Variants in DDR2 observed in about 807,000 individuals in gnomAD.
DDR2 encodes discoidin domain-containing receptor 2.
A neutral mutation model predicts 94.9 loss-of-function variants in DDR2; 27 were observed. That is an observed-to-expected ratio of 0.28 (90% CI 0.21 to 0.39). The LOEUF (loss-of-function observed/expected upper bound fraction) is 0.39. Among genes scored for constraint, DDR2 ranks in the 10% least tolerant of loss-of-function variants. DDR2 has a pLI of 1.00. For synonymous variants in DDR2, 382 were observed against 377.2 expected (o/e 1.01, Z -0.15); for missense variants, 783 against 1,076.0 (o/e 0.73, Z 3.81).
chr1:162,755,131 C>T (rs371959896), intron 5 of DDR2, 25 bp from the exon 6 acceptor site: 33 of 1,613,936 alleles, frequency 2.0e-5, no homozygotes, highest in Middle Eastern at 1.7e-4. Context: ...ACCACCTCTT[C>T]ACTCATTCTC....
chr1:162,670,759 C>T lies in DDR2; in HGVS notation c.-28+15385C>T, dbSNP rs533303497. On this transcript the variant is annotated intron_variant, in intron 2 of 17. Transcript: ENST00000367921. Reference sequence around the variant, plus strand: ...AACCAAATGCAAACCCCTAGTGCTTCTGTTGTCTGTTGATACCCAGAGGCT... The same window carrying T: ...AACCAAATGCAAACCCCTAGTGCTTTTGTTGTCTGTTGATACCCAGAGGCT... 2.0e-5 allele frequency among the ~76,000 whole-genome samples: 3 copies of T among 152,302 alleles called. No individual in the cohort carries two copies. The South Asian group carries it at 6.2e-4, about 32-fold the overall frequency.
intron 3 of DDR2, among the ~76,000 whole-genome samples, chr1:162,724,796 T>C (rs1024290601): frequency 6.6e-6 from 1 of 151,500 alleles, no homozygotes; most frequent in Non-Finnish European, 1.5e-5. Context: ...GTGTAGTGTG[T>C]GTTAGACAGC....
Position 162,766,076 on chromosome 1 carries a change from C to T in DDR2, c.1162+13C>T, listed in dbSNP as rs778335318. 4.2e-5 allele frequency: 67 copies of T among 1,612,856 alleles called. No homozygotes were observed. Among genetic ancestry groups the T allele is most frequent in the South Asian group, 5.5e-5 (5 of 91,048 alleles). ...CCCACAACCTATGGTATATGTGATT[C>T]CTAATTACACAAATTAATTTGAAGG... On this transcript the variant is annotated intron_variant, in intron 10 of 17. Transcript: ENST00000367921.
rs534963151 is a variant in DDR2, at chr1:162,637,064, G to C, written c.-192+4433G>C. ...TCCTGGTAAACTCTGTCATAATTTT[G>C]TTTTGCTGTATTTATTTATTTACTC... On this transcript the variant is annotated intron_variant, in intron 1 of 17. Transcript: ENST00000367921. 1.1e-4 allele frequency among the ~76,000 whole-genome samples: 17 copies of C among 151,908 alleles called. No individual in the cohort carries two copies. The South Asian group carries it at 3.3e-3, about 30-fold the overall frequency.
intron 2 of DDR2, among the ~76,000 whole-genome samples, chr1:162,676,442 A>C (rs1659130099): frequency 6.6e-6 from 1 of 152,222 alleles, no homozygotes; most frequent in Non-Finnish European, 1.5e-5. Flanking sequence ...ATCCTGAAGG[A>C]GGAGAAAATA....
At position 162,753,121 on chromosome 1, in the gene DDR2, T is replaced by A. The variant is rs757544947; in HGVS notation, c.109T>A (p.Ser37Thr). ...TATATGCCGCTATCCTCTGGGCATG[T>A]CAGGAGGCCAGATTCCAGATGAGGA... ...PAICRYPLGM[S>T]GGQIPDEDIT... The change falls in exon 4 of 18, where the codon TCA (serine) becomes ACA (threonine). Residue 37 changes from serine (S) to threonine (T), a missense_variant. Coordinates refer to ENST00000367921, the MANE Select transcript of DDR2 (RefSeq NM_006182.4). 2.5e-6 allele frequency: 4 copies of A among 1,613,596 alleles called. No individual in the cohort carries two copies. In the East Asian group the frequency reaches 6.7e-5, roughly 27 times the overall value.
chr1:162,650,205 T>C (rs962341129), intron 1 of DDR2, among the ~76,000 whole-genome samples: 2 of 152,198 alleles, frequency 1.3e-5, no homozygotes, highest in Non-Finnish European at 2.9e-5. Context: ...TGTGTCTACC[T>C]GTTTTCATTC....
chr1:162,681,607 G>A (rs1659403352), intron 2 of DDR2, among the ~76,000 whole-genome samples: 1 of 152,166 alleles, frequency 6.6e-6, no homozygotes, highest in Non-Finnish European at 1.5e-5. Context: ...CAGATTTGGT[G>A]TCTGGTTAGG....
chr1:162,720,283 G>A (rs1661361200), intron 3 of DDR2, among the ~76,000 whole-genome samples: 1 of 152,010 alleles, frequency 6.6e-6, no homozygotes, highest in Non-Finnish European at 1.5e-5. Flanking sequence ...CAGCACTTTA[G>A]AAGCTCTCTT....
chr1:162,634,254 C>T (rs748861119), intron 1 of DDR2, among the ~76,000 whole-genome samples: 20 of 152,188 alleles, frequency 1.3e-4, no homozygotes, highest in Non-Finnish European at 2.5e-4. Context: ...ATGCAAAGAG[C>T]CTGGGACTTA....
At chr1:162,684,812 A>AACACACACACACAC (rs56958157) in intron 2 of DDR2, among the ~76,000 whole-genome samples, 25 of 138,042 alleles carry the variant, frequency 1.8e-4, no homozygotes, top group African/African-American at 5.3e-4. Flanking sequence ...CACACCCACC[A>AACACACACACACAC]ACACACACAC....
chr1:162,657,567 A>G (rs1203046040), intron 2 of DDR2, among the ~76,000 whole-genome samples: 1 of 152,180 alleles, frequency 6.6e-6, no homozygotes, highest in Non-Finnish European at 1.5e-5. Flanking sequence ...GCAGAAGGGT[A>G]ACAACAGCCT....
chr1:162,648,553 G>T (rs553922030), intron 1 of DDR2, among the ~76,000 whole-genome samples: 34 of 152,270 alleles, frequency 2.2e-4, no homozygotes, highest in African/African-American at 7.5e-4. Flanking sequence ...AATTGCAGGG[G>T]ATAAGAAATC....
At position 162,776,446 on chromosome 1, in the gene DDR2, CTG is replaced by C. The variant is rs1647557613; in HGVS notation, c.2283+77_2283+78del. On this transcript the variant is annotated intron_variant, in intron 16 of 17. Coordinates refer to ENST00000367921, the MANE Select transcript of DDR2 (RefSeq NM_006182.4). ...ACATGCATGACACGTGGAGACAAAC[CTG>C]AGACAGCAGGAGGCAAACTCAATAG... 2.1e-6 allele frequency: 3 copies of C among 1,422,680 alleles called. No individual in the cohort carries two copies. In the South Asian group the frequency reaches 3.5e-5, roughly 16 times the overall value. 88.1% of individuals were successfully genotyped at this position (1,422,680 alleles called of 1,614,324 possible). A position where few individuals can be genotyped will look rare whatever the true frequency, so the allele number is the denominator to read the frequency against.
At chr1:162,635,222 A>G (rs1307041775) in intron 1 of DDR2, among the ~76,000 whole-genome samples, 1 of 152,142 alleles carries the variant, frequency 6.6e-6, no homozygotes, top group Non-Finnish European at 1.5e-5. Context: ...TCTTGAAGTC[A>G]TCTGAATTCT....
At chr1:162,768,522 C>T (rs867820978) in intron 11 of DDR2, among the ~76,000 whole-genome samples, 2 of 152,226 alleles carry the variant, frequency 1.3e-5, no homozygotes, top group Middle Eastern at 3.4e-3. Context: ...CTGTGTGGAA[C>T]CTCTATTCCA....
At chr1:162,651,751 T>C (rs1657704350) in intron 1 of DDR2, among the ~76,000 whole-genome samples, 2 of 152,206 alleles carry the variant, frequency 1.3e-5, no homozygotes, top group Non-Finnish European at 2.9e-5. Context: ...CCTAACAAAA[T>C]ACTAATAAAA....
At chr1:162,672,091 C>T (rs1456501369) in intron 2 of DDR2, among the ~76,000 whole-genome samples, 4 of 152,228 alleles carry the variant, frequency 2.6e-5, no homozygotes, top group Non-Finnish European at 5.9e-5. Context: ...TCTTGCGTCA[C>T]TCTGTTGCTC....
rs2102173188 is a variant in DDR2, at chr1:162,767,300, C to T, written c.1234C>T (p.Leu412Phe). ...IGCLVAIIFI[L>F]LAIIVIILWR... The stretch of plus-strand genomic sequence containing the variant: ...CTGCTTGGTGGCCATCATCTTTATC[C>T]TCCTGGCCATCATTGTCATCATCCT... The change falls in exon 11 of 18, where the codon CTC (leucine) becomes TTC (phenylalanine). Residue 412 changes from leucine to phenylalanine, a missense_variant. Physicochemically the swap from Leu to Phe is conservative, Grantham distance 22. This residue lies in a region of DDR2 where 519 missense variants were observed against 647.9 expected (regional missense o/e 0.80). Transcript: ENST00000367921. The T allele has an allele frequency of 1.2e-6, 2 of 1,614,072 alleles. No individual in the cohort carries two copies. The highest frequency in any genetic ancestry group is 8.5e-7 in the Non-Finnish European group (1 of 1,179,998).
Sources: allele counts gnomAD v4.1 joint callset (sites outside exome capture counted in the v4.1 genomes callset), GRCh38; gene constraint gnomAD v4.1.1; regional missense constraint gnomAD v4.1.1; transcripts MANE v1.5; gene names NCBI Gene and HGNC (gene_info 2026-07-23, HGNC 2026-07-21).